The following COL26A1 variants were observed in gnomAD, a reference collection of about 807,000 sequenced individuals.
The protein encoded by COL26A1 is collagen alpha-1(XXVI) chain.
Under a neutral mutation model 59.3 loss-of-function variants are expected in COL26A1, and 41 were observed. The observed-to-expected ratio is 0.69, with a 90% CI of 0.54 to 0.90. The LOEUF is 0.90. Ranked by LOEUF, COL26A1 falls within the 40% of genes least tolerant of loss-of-function variation. COL26A1 has a pLI of 0.00. For missense variants in COL26A1, 612 were observed against 602.3 expected (o/e 1.02, Z -0.17); for synonymous variants, 266 against 256.0 (o/e 1.04, Z -0.37).
intron 3 of COL26A1, among the ~76,000 whole-genome samples, chr7:101,504,285 G>A (rs1188114936): frequency 6.6e-6 from 1 of 152,200 alleles, no homozygotes; most frequent in African/African-American, 2.4e-5. Context: ...ATTTTTAGTA[G>A]AGACGGGGTT....
rs184304047 is a variant in COL26A1, at chr7:101,443,688, T to G, written c.282-3996T>G. On this transcript the variant is annotated intron_variant, in intron 2 of 12. Coordinates refer to ENST00000313669, the MANE Select transcript of COL26A1 (RefSeq NM_001278563.3). ...TCCCTTATGAAATTTGGTCATGCAT[T>G]TTATATTCGCGATTCTTGGAGTGTG... Among the ~76,000 whole-genome samples the G allele has an allele frequency of 1.4e-3, 215 of 152,212 alleles. 1 individual carries two copies. The highest frequency in any genetic ancestry group is 5.1e-3 in the African/African-American group (213 of 41,536).
chr7:101,459,195 C>T lies in COL26A1; in HGVS notation c.385+11408C>T, dbSNP rs189197618. Among the ~76,000 whole-genome samples, 65 of 152,240 alleles carry T rather than the reference C, an allele frequency of 4.3e-4. 1 individual carries two copies. In the East Asian group the frequency reaches 0.011, roughly 25 times the overall value. On this transcript the variant is annotated intron_variant, in intron 3 of 12. Coordinates refer to ENST00000313669, the MANE Select transcript of COL26A1 (RefSeq NM_001278563.3). ...CTTTGCAGTCTTGGGAAATCCCACC[C>T]GAAGTTGTCCCAGTACAAGGGACAG... is the stretch of plus-strand genomic sequence containing the variant.
At chr7:101,398,360 C>A (rs1188644660) in intron 1 of COL26A1, among the ~76,000 whole-genome samples, 2 of 152,140 alleles carry the variant, frequency 1.3e-5, no homozygotes, top group African/African-American at 2.4e-5. Context: ...GGATAAGACC[C>A]CAGTTTCTTG....
chr7:101,446,877 GAA>G (rs1314040992), intron 2 of COL26A1, among the ~76,000 whole-genome samples: 1 of 151,632 alleles, frequency 6.6e-6, no homozygotes, highest in African/African-American at 2.4e-5. Flanking sequence ...GAGAGAGAGA[GAA>G]AGAGTAATTT....
intron 1 of COL26A1, among the ~76,000 whole-genome samples, chr7:101,414,407 GCTCGCT>G (rs1792322832): frequency 8.5e-6 from 1 of 117,536 alleles, no homozygotes; most frequent in African/African-American, 2.9e-5. Context: ...TCTCTCTCTC[GCTCGCT>G]CTCGCTCTCA....
At chr7:101,537,327 A>C (rs1454047902) in intron 4 of COL26A1, among the ~76,000 whole-genome samples, 1 of 152,160 alleles carries the variant, frequency 6.6e-6, no homozygotes, top group Non-Finnish European at 1.5e-5. Flanking sequence ...ATGGACCACA[A>C]ACAGTACACA....
intron 2 of COL26A1, among the ~76,000 whole-genome samples, chr7:101,443,520 T>C (rs1793111148): frequency 1.3e-5 from 2 of 152,212 alleles, no homozygotes; most frequent in Admixed American, 6.6e-5. Flanking sequence ...GATTGTTTCA[T>C]TCACCGATTA....
intron 3 of COL26A1, among the ~76,000 whole-genome samples, chr7:101,487,378 A>G (rs1391271810): frequency 6.6e-6 from 1 of 151,966 alleles, no homozygotes; most frequent in African/African-American, 2.4e-5. Context: ...CATAGCCTGC[A>G]CCCCATCACC....
At chr7:101,385,230 AC>A (rs1171887039) in intron 1 of COL26A1, among the ~76,000 whole-genome samples, 6,326 of 25,024 alleles carry the variant, frequency 0.25, 270 homozygotes, top group South Asian at 0.34. Flanking sequence ...ACACACACAC[AC>A]TATATATATA....
At chr7:101,538,908 G>T (rs939254894) in intron 4 of COL26A1, among the ~76,000 whole-genome samples, 1 of 152,194 alleles carries the variant, frequency 6.6e-6, no homozygotes, top group Non-Finnish European at 1.5e-5. Flanking sequence ...GGTCCTTCAC[G>T]CCCCTCGGCC....
chr7:101,413,939 C>A (rs995156994), intron 1 of COL26A1, among the ~76,000 whole-genome samples: 16 of 152,180 alleles, frequency 1.1e-4, no homozygotes, highest in African/African-American at 3.9e-4. Context: ...TGTGCACCCG[C>A]CATAGTCAGG....
At chr7:101,376,137 CA>C (rs34061057) in intron 1 of COL26A1, among the ~76,000 whole-genome samples, 37,166 of 131,926 alleles carry the variant, frequency 0.28, 5,280 homozygotes, top group African/African-American at 0.44. Flanking sequence ...CCTGTATCTA[CA>C]AAAAAAAAAA....
chr7:101,553,407 C>T (rs13235234), intron 11 of COL26A1, 31 bp downstream of exon 11: 799,503 of 1,604,426 alleles, frequency 0.5, 205,712 homozygotes, highest in Middle Eastern at 0.54. Context: ...CGTTCCCTCC[C>T]GCCTCCTTGG....
chr7:101,404,517 G>T (rs966264582), intron 1 of COL26A1, among the ~76,000 whole-genome samples: 1 of 152,162 alleles, frequency 6.6e-6, no homozygotes, highest in Non-Finnish European at 1.5e-5. Flanking sequence ...CTTCCCAGGG[G>T]AGCCAGAAGT....
rs116517026 is a variant in COL26A1, at chr7:101,416,803, G to A, written c.159-3174G>A. On this transcript the variant is annotated intron_variant, in intron 1 of 12. Transcript: ENST00000313669. ...CACCCAGTGTGGAGTGCAGCGGTGC[G>A]ATCATGGCTCACTGCAGTCTCAAAC... Among the ~76,000 whole-genome samples the A allele has an allele frequency of 9.2e-3, 1,319 of 143,102 alleles. 90 individuals are homozygous for A. Among genetic ancestry groups the A allele is most frequent in the African/African-American group, 0.031 (1,266 of 40,540 alleles). The allele number at this position is 143,102 out of a possible 152,430, so 93.9% of individuals were successfully genotyped here.
At chr7:101,557,288 C>A in intron 12 of COL26A1, 82 bp from the exon 13 acceptor site, 4 of 1,417,222 alleles carry the variant, frequency 2.8e-6, no homozygotes, top group Non-Finnish European at 3.8e-6. Context: ...AGCATCTCTC[C>A]GTGGCCACAT....
rs542324668 is a variant in COL26A1 at position 101,414,086 on chromosome 7, C to A, written c.159-5891C>A. The stretch of plus-strand genomic sequence containing the variant: ...ACAACCGCGGCTACCTGGGGATGCA[C>A]AGGCTTTAGAGCTCCATCTGGAAAG... On this transcript the variant is annotated intron_variant, in intron 1 of 12. Transcript: ENST00000313669. Among the ~76,000 whole-genome samples, 17 of 152,296 alleles carry A rather than the reference C, an allele frequency of 1.1e-4. No homozygotes were observed. In the South Asian group the frequency reaches 3.5e-3, roughly 32 times the overall value.
chr7:101,452,051 C>G (rs149318759), intron 3 of COL26A1, among the ~76,000 whole-genome samples: 1 of 152,250 alleles, frequency 6.6e-6, no homozygotes, highest in Non-Finnish European at 1.5e-5. Flanking sequence ...TAACATCCAA[C>G]TTGGCAGAAT....
At chr7:101,555,427 G>A (rs987214556) in intron 11 of COL26A1, among the ~76,000 whole-genome samples, 2 of 152,146 alleles carry the variant, frequency 1.3e-5, no homozygotes, top group East Asian at 3.9e-4. Flanking sequence ...CCTGGTTAGG[G>A]TATTTTCAGG....
Sources: gnomAD v4.1 joint callset for allele counts (sites outside exome capture counted in the v4.1 genomes callset) on GRCh38, gnomAD v4.1.1 for gene constraint, MANE v1.5 for transcripts, NCBI Gene and HGNC (gene_info 2026-07-23, HGNC 2026-07-21) for gene names.